The following SCN8A variants were observed in gnomAD, a reference collection of about 807,000 sequenced individuals.
The protein encoded by SCN8A is sodium voltage-gated channel alpha subunit 8.
Under a neutral mutation model 184.1 loss-of-function variants are expected in SCN8A, and 30 were observed. The ratio of observed to expected loss-of-function variants is 0.16; its 90% CI spans 0.12 to 0.22. SCN8A has a LOEUF of 0.22. SCN8A is among the 10% of genes least tolerant of loss of function. The probability of loss-of-function intolerance (pLI) is 1.00; values close to 1 mark genes in which losing one functional copy is unlikely to be tolerated. For synonymous variants in SCN8A, 852 were observed against 907.0 expected (o/e 0.94, Z 1.09); for missense variants, 1,057 against 2,498.9 (o/e 0.42, Z 12.30).
At chr12:51,648,713 C>T (rs1475120089) in intron 1 of SCN8A, among the ~76,000 whole-genome samples, 2 of 152,304 alleles carry the variant, frequency 1.3e-5, no homozygotes, top group South Asian at 2.1e-4. Context: ...TTCAAATTAT[C>T]TCCCACCAGG....
chr12:51,712,833 A>G, intron 11 of SCN8A: 1 of 1,262,506 alleles, frequency 7.9e-7, no homozygotes, highest in Non-Finnish European at 1.2e-6. Context: ...CTCCATAACT[A>G]CCTCTGCTGC....
intron 20 of SCN8A, among the ~76,000 whole-genome samples, chr12:51,778,102 T>C (rs954175033): frequency 3.3e-5 from 5 of 152,094 alleles, no homozygotes; most frequent in Admixed American, 3.3e-4. Context: ...TTGTGGACCA[T>C]AGTTTAGGCA....
chr12:51,702,321 CAAAAAAA>C (rs747855764), intron 8 of SCN8A, among the ~76,000 whole-genome samples: 4 of 76,602 alleles, frequency 5.2e-5, no homozygotes, highest in Non-Finnish European at 1.1e-4. Context: ...GACTCTGTAT[CAAAAAAA>C]AAAAAAAAAA....
chr12:51,714,556 C>G (rs556830229), intron 11 of SCN8A, among the ~76,000 whole-genome samples: 3 of 152,240 alleles, frequency 2.0e-5, no homozygotes, highest in Admixed American at 2.0e-4. Flanking sequence ...GAATTTTGAC[C>G]TCATGAGCCT....
intron 2 of SCN8A, among the ~76,000 whole-genome samples, chr12:51,666,007 A>G (rs1941026107): frequency 6.6e-6 from 1 of 152,214 alleles, no homozygotes; most frequent in South Asian, 2.1e-4. Flanking sequence ...GGTTGCAGTC[A>G]GCCAAGATTG....
chr12:51,761,665 T>G (rs1942764474), intron 14 of SCN8A, among the ~76,000 whole-genome samples: 1 of 151,798 alleles, frequency 6.6e-6, no homozygotes, highest in Non-Finnish European at 1.5e-5. Context: ...ATTTTTGTAT[T>G]TTTTGTAGAG....
chr12:51,715,839 G>A (rs1050183410), intron 11 of SCN8A, among the ~76,000 whole-genome samples: 10 of 152,214 alleles, frequency 6.6e-5, no homozygotes, highest in African/African-American at 1.9e-4. Context: ...CAGTGACCCC[G>A]TGCAGGTGTG....
At chr12:51,796,438 A>G (rs775780096) in intron 26 of SCN8A, among the ~76,000 whole-genome samples, 1 of 152,156 alleles carries the variant, frequency 6.6e-6, no homozygotes, top group Non-Finnish European at 1.5e-5. Flanking sequence ...CATACCCCCT[A>G]TTTTCAAATG....
rs1169188621 is a variant in SCN8A at position 51,609,663 on chromosome 12, A to T, written c.-55+18304A>T. On this transcript the variant is annotated intron_variant, in intron 1 of 26. Coordinates refer to ENST00000627620, the MANE Select transcript of SCN8A (RefSeq NM_001330260.2). ...CCAGCACTTTGGGAGGCAGAGGCAG[A>T]CAGATCACCTGAGGTCAGGAGTTCG... Among the ~76,000 whole-genome samples the T allele has an allele frequency of 2.6e-5, 4 of 152,158 alleles. No individual in the cohort carries two copies. The East Asian group carries it at 7.8e-4, about 29-fold the overall frequency.
chr12:51,738,113 G>C (rs538158688), intron 12 of SCN8A, among the ~76,000 whole-genome samples: 1 of 152,246 alleles, frequency 6.6e-6, no homozygotes, highest in South Asian at 2.1e-4. Flanking sequence ...TGGGAACTTT[G>C]TTTTTCCACT....
At chr12:51,627,256 C>T (rs1392041583) in intron 1 of SCN8A, among the ~76,000 whole-genome samples, 7 of 152,148 alleles carry the variant, frequency 4.6e-5, no homozygotes, top group Admixed American at 4.6e-4. Context: ...ATGATTACAA[C>T]TTGTTCTATC....
intron 3 of SCN8A, among the ~76,000 whole-genome samples, chr12:51,685,597 A>G (rs948963474): frequency 2.0e-5 from 3 of 152,230 alleles, no homozygotes; most frequent in African/African-American, 7.2e-5. Context: ...TTGCTCTATT[A>G]CCTAGTCTTC....
chr12:51,721,385 A>AG (rs1942057785), intron 11 of SCN8A, among the ~76,000 whole-genome samples, 161 bp from the exon 12 acceptor site: 1 of 152,094 alleles, frequency 6.6e-6, no homozygotes, highest in Admixed American at 6.5e-5. Context: ...GATGAACTGT[A>AG]GCAGTCAACA....
intron 12 of SCN8A, among the ~76,000 whole-genome samples, chr12:51,739,834 T>C (rs985609767): frequency 2.6e-5 from 4 of 152,066 alleles, no homozygotes; most frequent in African/African-American, 9.7e-5. Context: ...CACAGAAATA[T>C]AGAAGTGTGA....
intron 2 of SCN8A, among the ~76,000 whole-genome samples, chr12:51,683,116 A>T (rs1250037487): frequency 6.6e-6 from 1 of 152,134 alleles, no homozygotes; most frequent in Non-Finnish European, 1.5e-5. Flanking sequence ...TGCCTCTCAT[A>T]CATTATGCAT....
chr12:51,610,847 A>G (rs562944841), intron 1 of SCN8A, among the ~76,000 whole-genome samples: 1 of 152,286 alleles, frequency 6.6e-6, no homozygotes, highest in Admixed American at 6.5e-5. Context: ...TGTCTTCCAC[A>G]CTGTTGATTA....
intron 1 of SCN8A, among the ~76,000 whole-genome samples, chr12:51,659,966 G>A (rs1940895219): frequency 6.6e-6 from 1 of 152,188 alleles, no homozygotes; most frequent in Non-Finnish European, 1.5e-5. Context: ...ACAGCTGTGG[G>A]ACTCAGGAGA....
Position 51,806,955 on chromosome 12 carries a change from G to A in SCN8A, c.5469G>A (p.Lys1823=). Reference sequence around the variant, plus strand: ...TGGAGCATCCTCTCCGAGTGCCCAAGCCCAATACCATTGAGCTCATCGCTA... The same window carrying A: ...TGGAGCATCCTCTCCGAGTGCCCAAACCCAATACCATTGAGCTCATCGCTA... ...DALEHPLRVP[K]PNTIELIAMD... The change falls in exon 27 of 27, where the codon AAG becomes AAA. Residue 1823 remains lysine, a synonymous_variant. Transcript: ENST00000627620. This position sits in a 1 kb window ranked among gnomAD's most constrained non-coding sequence, Gnocchi z 8.7. 6.2e-7 allele frequency: 1 copy of A among 1,613,956 alleles called. No homozygotes were observed. Among genetic ancestry groups the A allele is most frequent in the Non-Finnish European group, 8.5e-7 (1 of 1,179,838 alleles).
intron 12 of SCN8A, among the ~76,000 whole-genome samples, chr12:51,731,264 A>G (rs568442699): frequency 2.6e-5 from 4 of 151,178 alleles, no homozygotes; most frequent in East Asian, 1.9e-4. Flanking sequence ...TTTTGAGACA[A>G]TCTCACTCTG....
Sources: gnomAD v4.1 joint callset for allele counts (sites outside exome capture counted in the v4.1 genomes callset) on GRCh38, gnomAD v4.1.1 for gene constraint, Gnocchi (gnomAD v3.1) non-coding constraint, MANE v1.5 for transcripts, NCBI Gene and HGNC (gene_info 2026-07-23, HGNC 2026-07-21) for gene names.